The following BRINP3 variants were observed in gnomAD, a reference collection of about 807,000 sequenced individuals.
The protein encoded by BRINP3 is BMP/retinoic acid-inducible neural-specific protein 3.
In BRINP3, 19 loss-of-function variants were observed where a neutral mutation model predicts 71.0. That is an observed-to-expected ratio of 0.27 (90% CI 0.19 to 0.39). The LOEUF is 0.39. Ranked by LOEUF, BRINP3 falls within the 10% of genes least tolerant of loss-of-function variation. The pLI is 1.00. For synonymous variants in BRINP3, 380 were observed against 337.7 expected, an observed-to-expected ratio of 1.13 and a Z score of -1.37; for missense variants, 959 against 940.8, an observed-to-expected ratio of 1.02 and a Z score of -0.25.
chr1:190,400,880 T>C (rs1016203807), intron 2 of BRINP3, among the ~76,000 whole-genome samples: 1 of 152,262 alleles, frequency 6.6e-6, no homozygotes, highest in East Asian at 1.9e-4. Flanking sequence ...CTAACAACTA[T>C]TATTTGTTGA....
chr1:190,169,542 C>T (rs1651834699), intron 6 of BRINP3, among the ~76,000 whole-genome samples: 3 of 152,166 alleles, frequency 2.0e-5, no homozygotes, highest in Admixed American at 1.3e-4. Context: ...CAATCAGATG[C>T]TGTTCTTACA....
At chr1:190,449,240 T>C (rs1299503099) in intron 2 of BRINP3, among the ~76,000 whole-genome samples, 3 of 152,058 alleles carry the variant, frequency 2.0e-5, no homozygotes, top group Non-Finnish European at 2.9e-5. Context: ...ATTTGCACTA[T>C]TATCACACCC....
chr1:190,218,783 T>C (rs945774817), intron 6 of BRINP3, among the ~76,000 whole-genome samples: 16 of 152,096 alleles, frequency 1.1e-4, no homozygotes, highest in Non-Finnish European at 1.6e-4. Flanking sequence ...TCCATTATTT[T>C]GGTTGTTTTT....
intron 7 of BRINP3, among the ~76,000 whole-genome samples, chr1:190,127,743 A>G (rs1571776532): frequency 6.6e-6 from 1 of 151,878 alleles, no homozygotes; most frequent in Non-Finnish European, 1.5e-5. Context: ...TTATGGGTAT[A>G]TATGGCAAAA....
At chr1:190,277,470 A>G (rs1324881611) in intron 3 of BRINP3, among the ~76,000 whole-genome samples, 6 of 151,574 alleles carry the variant, frequency 4.0e-5, no homozygotes, top group East Asian at 1.9e-4. Flanking sequence ...TAAAATTTCT[A>G]TAAATATTTT....
rs1352098201 is a variant in BRINP3, at chr1:190,458,961, CA to C, written c.-50-4022del. ...GAGAAATAAAAGAGAATGAAGAACA[CA>C]AAAAAACAAAACATTAAAAACAATA... On this transcript the variant is annotated intron_variant, in intron 1 of 7. Transcript: ENST00000367462. Among the ~76,000 whole-genome samples, 4 of 150,566 alleles carry C rather than the reference CA, an allele frequency of 2.7e-5. No homozygotes were observed. In the East Asian group the frequency reaches 5.8e-4, roughly 22 times the overall value.
At chr1:190,326,278 T>C (rs1666573761) in intron 2 of BRINP3, among the ~76,000 whole-genome samples, 1 of 152,058 alleles carries the variant, frequency 6.6e-6, no homozygotes, top group South Asian at 2.1e-4. Flanking sequence ...TTGAGAAATA[T>C]GGAGTTATGT....
At chr1:190,312,192 C>T (rs956316196) in intron 2 of BRINP3, among the ~76,000 whole-genome samples, 14 of 149,820 alleles carry the variant, frequency 9.3e-5, no homozygotes, top group South Asian at 4.2e-4. Flanking sequence ...GATGATCTTT[C>T]GTAAATTGCG....
At chr1:190,401,248 C>T (rs1419219281) in intron 2 of BRINP3, among the ~76,000 whole-genome samples, 1 of 151,918 alleles carries the variant, frequency 6.6e-6, no homozygotes, top group East Asian at 1.9e-4. Flanking sequence ...ATCCCAGCTA[C>T]TTGGGAGGAT....
At chr1:190,425,017 A>C (rs1673611919) in intron 2 of BRINP3, among the ~76,000 whole-genome samples, 1 of 151,636 alleles carries the variant, frequency 6.6e-6, no homozygotes, top group African/African-American at 2.4e-5. Flanking sequence ...AACTGCAGCA[A>C]TAAAATAAAA....
intron 7 of BRINP3, among the ~76,000 whole-genome samples, chr1:190,130,588 T>C (rs1382462318): frequency 1.3e-5 from 2 of 152,000 alleles, no homozygotes; most frequent in Non-Finnish European, 2.9e-5. Flanking sequence ...CTAGATCCTG[T>C]TCTAAAAGTG....
chr1:190,267,611 A>C (rs1007708825), intron 3 of BRINP3, among the ~76,000 whole-genome samples: 1 of 152,082 alleles, frequency 6.6e-6, no homozygotes, highest in African/African-American at 2.4e-5. Context: ...AAAGAGTGGA[A>C]ACGATAAACA....
At chr1:190,231,116 TA>T (rs1657944947) in intron 5 of BRINP3, among the ~76,000 whole-genome samples, 1 of 151,758 alleles carries the variant, frequency 6.6e-6, no homozygotes, top group African/African-American at 2.4e-5. Flanking sequence ...TATGAAGAAA[TA>T]TTTTTTTAAA....
chr1:190,372,923 A>G (rs765338371), intron 2 of BRINP3, among the ~76,000 whole-genome samples: 10 of 152,200 alleles, frequency 6.6e-5, no homozygotes, highest in Non-Finnish European at 1.5e-4. Context: ...ATTAGAGAAT[A>G]AATTCCAGGA....
intron 2 of BRINP3, among the ~76,000 whole-genome samples, chr1:190,442,047 GAA>G (rs200959827): frequency 6.6e-6 from 1 of 150,768 alleles, no homozygotes; most frequent in Non-Finnish European, 1.5e-5. Flanking sequence ...TTTTATTTGG[GAA>G]AAAAAACAAA....
At chr1:190,287,850 T>C (rs1558148205) in intron 2 of BRINP3, among the ~76,000 whole-genome samples, 1 of 151,030 alleles carries the variant, frequency 6.6e-6, no homozygotes, top group Non-Finnish European at 1.5e-5. Context: ...AAATATGTTA[T>C]ATTTTAGGGC....
intron 4 of BRINP3, among the ~76,000 whole-genome samples, chr1:190,251,391 C>T (rs1379789409): frequency 6.6e-6 from 1 of 151,862 alleles, no homozygotes; most frequent in African/African-American, 2.4e-5. Flanking sequence ...CTTTCTTTTA[C>T]AGATTATTAA....
At chr1:190,193,978 C>T (rs567851058) in intron 6 of BRINP3, among the ~76,000 whole-genome samples, 34 of 152,208 alleles carry the variant, frequency 2.2e-4, no homozygotes, top group Middle Eastern at 3.4e-3. Flanking sequence ...ACTCACCCCA[C>T]CTTTTGTTTA....
chr1:190,359,225 T>C (rs1388998489), intron 2 of BRINP3, among the ~76,000 whole-genome samples: 1 of 151,796 alleles, frequency 6.6e-6, no homozygotes, highest in East Asian at 1.9e-4. Context: ...AAAAAAGAAT[T>C]TAACTTGGGC....
Sources: allele counts gnomAD v4.1 joint callset (sites outside exome capture counted in the v4.1 genomes callset), GRCh38; gene constraint gnomAD v4.1.1; transcripts MANE v1.5; gene names NCBI Gene and HGNC (gene_info 2026-07-23, HGNC 2026-07-21).